The following PSD3 variants were observed in gnomAD, a reference collection of about 807,000 sequenced individuals.
The protein encoded by PSD3 is pleckstrin and Sec7 domain containing 3.
A neutral mutation model predicts 105.5 loss-of-function variants in PSD3; 49 were observed. The observed-to-expected ratio is 0.46, with a 90% CI of 0.37 to 0.59. PSD3 has a LOEUF of 0.59. Among genes scored for constraint, PSD3 ranks in the 20% least tolerant of loss-of-function variants. The pLI, the probability that PSD3 is intolerant of heterozygous loss-of-function variation, is 0.00. For missense variants in PSD3, 1,561 were observed against 1,263.8 expected, an observed-to-expected ratio of 1.24 and a Z score of -3.57; for synonymous variants, 557 against 457.8, an observed-to-expected ratio of 1.22 and a Z score of -2.77.
intron 2 of PSD3, among the ~76,000 whole-genome samples, chr8:18,919,152 T>C (rs1487457600): frequency 6.6e-6 from 1 of 152,186 alleles, no homozygotes; most frequent in Non-Finnish European, 1.5e-5. Flanking sequence ...TTTAAATTCA[T>C]ACAAAAGGAG....
chr8:18,902,066 A>C (rs946328841), intron 2 of PSD3, among the ~76,000 whole-genome samples: 1 of 152,156 alleles, frequency 6.6e-6, no homozygotes, highest in African/African-American at 2.4e-5. Context: ...GAGACTTTTG[A>C]GATTCCTGGC....
chr8:19,079,097 C>T (rs1281779632), intron 1 of PSD3, among the ~76,000 whole-genome samples: 2 of 151,958 alleles, frequency 1.3e-5, no homozygotes, highest in South Asian at 2.1e-4. Context: ...TACAATGATC[C>T]ACAGGACTCC....
At chr8:18,665,165 G>A (rs910762023) in intron 9 of PSD3, among the ~76,000 whole-genome samples, 1 of 152,230 alleles carries the variant, frequency 6.6e-6, no homozygotes, top group Non-Finnish European at 1.5e-5. Context: ...AACTGCCATA[G>A]ATAGCGATTC....
chr8:18,895,121 C>A (rs1239349322), intron 2 of PSD3, among the ~76,000 whole-genome samples: 1 of 152,198 alleles, frequency 6.6e-6, no homozygotes, highest in Non-Finnish European at 1.5e-5. Context: ...CCTGTATGTG[C>A]TCTTGGCAAT....
intron 1 of PSD3, among the ~76,000 whole-genome samples, chr8:18,986,788 A>G (rs1403562725): frequency 6.6e-6 from 1 of 152,214 alleles, no homozygotes; most frequent in Non-Finnish European, 1.5e-5. Flanking sequence ...GGGAAGACCA[A>G]GATGAGGCAG....
chr8:18,743,454 A>G (rs1804736595), intron 9 of PSD3, among the ~76,000 whole-genome samples: 1 of 152,158 alleles, frequency 6.6e-6, no homozygotes, highest in African/African-American at 2.4e-5. Context: ...TCTTTGTTAC[A>G]ATAGATAATG....
intron 8 of PSD3, chr8:18,774,766 T>G (rs17127180): frequency 0.022 from 8,781 of 394,160 alleles, 441 homozygotes; most frequent in East Asian, 0.15. Context: ...GCAACAGATT[T>G]GGAAATGACT....
chr8:18,839,948 C>T (rs1306321378), intron 4 of PSD3, among the ~76,000 whole-genome samples: 1 of 152,168 alleles, frequency 6.6e-6, no homozygotes, highest in Non-Finnish European at 1.5e-5. Context: ...GACAGTGCCA[C>T]CCTTCCATAA....
intron 1 of PSD3, among the ~76,000 whole-genome samples, chr8:18,974,432 T>C (rs7012239): frequency 0.1 from 15,540 of 152,118 alleles, 999 homozygotes; most frequent in Non-Finnish European, 0.13. Context: ...GAGGGCCACA[T>C]AGAATGCAGA....
Position 18,968,472 on chromosome 8 carries a change from C to T in PSD3, c.22-32330G>A, listed in dbSNP as rs577595989. ...GGAATTCCTATTCTGAAAGAACCTT[C>T]GACGCCAGTTTTCACATCACACGAT... On this transcript the variant is annotated intron_variant, in intron 1 of 15. Coordinates refer to ENST00000327040, the MANE Select transcript of PSD3 (RefSeq NM_015310.4). Among the ~76,000 whole-genome samples the T allele has an allele frequency of 2.2e-4, 33 of 152,340 alleles. No individual in the cohort carries two copies. The South Asian group carries it at 6.8e-3, about 32-fold the overall frequency.
chr8:19,033,335 C>G (rs1338503157), intron 1 of PSD3, among the ~76,000 whole-genome samples: 1 of 151,992 alleles, frequency 6.6e-6, no homozygotes, highest in Non-Finnish European at 1.5e-5. Flanking sequence ...TGTTATAGTT[C>G]CTCTAGTAAA....
chr8:18,564,175 G>C (rs1801583986), intron 14 of PSD3, among the ~76,000 whole-genome samples: 1 of 151,662 alleles, frequency 6.6e-6, no homozygotes, highest in Admixed American at 6.6e-5. Flanking sequence ...TACTGGGATT[G>C]ACAGTGGAAA....
chr8:19,048,306 G>A (rs1586666120), intron 1 of PSD3, among the ~76,000 whole-genome samples: 1 of 152,180 alleles, frequency 6.6e-6, no homozygotes, highest in African/African-American at 2.4e-5. Flanking sequence ...CGGTGGTTAA[G>A]AGCACCTAAA....
intron 1 of PSD3, among the ~76,000 whole-genome samples, chr8:19,046,858 G>GA (rs892723111): frequency 2.0e-5 from 3 of 151,908 alleles, no homozygotes; most frequent in Admixed American, 2.0e-4. Context: ...GTCCTGCAGT[G>GA]AAAAAAAGGC....
intron 15 of PSD3, among the ~76,000 whole-genome samples, chr8:18,549,907 T>G (rs554004399): frequency 6.6e-6 from 1 of 152,328 alleles, no homozygotes; most frequent in South Asian, 2.1e-4. Flanking sequence ...GAAGGGATCT[T>G]ATCAGCTAAT....
intron 14 of PSD3, among the ~76,000 whole-genome samples, chr8:18,561,262 G>A (rs1326380950): frequency 6.6e-6 from 1 of 152,122 alleles, no homozygotes; most frequent in Non-Finnish European, 1.5e-5. Context: ...GGAAAATGTG[G>A]TATATATACA....
intron 11 of PSD3, among the ~76,000 whole-genome samples, chr8:18,626,307 A>T (rs1402531932): frequency 1.2e-4 from 18 of 151,744 alleles, no homozygotes; most frequent in Admixed American, 1.2e-3. Context: ...AGACAAGTGT[A>T]TCAGCATTTA....
chr8:18,928,188 G>A lies in PSD3; in HGVS notation c.130+7846C>T, dbSNP rs944470816. On this transcript the variant is annotated intron_variant, in intron 2 of 15. Transcript: ENST00000327040. Reference sequence around the variant, plus strand: ...AGGGCGGCGCCAGGTGGAGATAATGGAATCATGCGGGCAGTTTCCCCCATA... The same window carrying A: ...AGGGCGGCGCCAGGTGGAGATAATGAAATCATGCGGGCAGTTTCCCCCATA... 2.0e-5 allele frequency among the ~76,000 whole-genome samples: 3 copies of A among 152,272 alleles called. No individual in the cohort carries two copies. In the East Asian group the frequency reaches 5.8e-4, roughly 29 times the overall value.
At chr8:18,969,349 C>T (rs1481966500) in intron 1 of PSD3, among the ~76,000 whole-genome samples, 1 of 152,184 alleles carries the variant, frequency 6.6e-6, no homozygotes, top group Non-Finnish European at 1.5e-5. Context: ...TTCGATGCAA[C>T]AGCAGCCAGC....
Sources: gnomAD v4.1 joint callset for allele counts (sites outside exome capture counted in the v4.1 genomes callset) on GRCh38, gnomAD v4.1.1 for gene constraint, MANE v1.5 for transcripts, NCBI Gene and HGNC (gene_info 2026-07-23, HGNC 2026-07-21) for gene names.